The following SOX6 variants were observed in gnomAD, a reference collection of about 807,000 sequenced individuals.
SOX6 encodes SRY-box transcription factor 6.
Under a neutral mutation model 97.8 loss-of-function variants are expected in SOX6, and 11 were observed. The ratio of observed to expected loss-of-function variants is 0.11; its 90% CI spans 0.07 to 0.19. SOX6 has a LOEUF of 0.19. SOX6 is among the 10% of genes least tolerant of loss of function. SOX6 has a pLI of 1.00. For missense variants in SOX6, 810 were observed against 1,039.5 expected (o/e 0.78, Z 3.04); for synonymous variants, 360 against 371.4 (o/e 0.97, Z 0.35).
intron 12 of SOX6, among the ~76,000 whole-genome samples, chr11:16,018,902 A>G (rs552807788): frequency 6.6e-6 from 1 of 152,276 alleles, no homozygotes; most frequent in African/African-American, 2.4e-5. Context: ...CAGCAGGAAG[A>G]CATTCCATAT....
rs1364679249 is a variant in SOX6 at position 16,605,084 on chromosome 11, G to A, written n.609+6997C>T. Among the ~76,000 whole-genome samples, 3 of 151,990 alleles carry A rather than the reference G, an allele frequency of 2.0e-5. No homozygotes were observed. Among genetic ancestry groups the A allele is most frequent in the Non-Finnish European group, 4.4e-5 (3 of 67,956 alleles). On this transcript the variant is annotated intron_variant and non_coding_transcript_variant, in intron 4 of 5. Transcript: ENST00000524520. The surrounding 1 kb of genome is among the most constrained non-coding windows in gnomAD (Gnocchi z 5.3). ...CTCCCGCGGGAGCGGCCGGGCTCGG[G>A]CTGGGTCCCGGGGCGGGTGGCAGCA... is the stretch of plus-strand genomic sequence containing the variant.
At chr11:16,061,724 C>CAGAA (rs1847961473) in intron 9 of SOX6, among the ~76,000 whole-genome samples, 1 of 151,742 alleles carries the variant, frequency 6.6e-6, no homozygotes, top group Non-Finnish European at 1.5e-5. Context: ...GAATAGAGAA[C>CAGAA]TCAGAAATAA....
chr11:16,216,524 C>T (rs1196853669), intron 4 of SOX6, among the ~76,000 whole-genome samples: 1 of 151,854 alleles, frequency 6.6e-6, no homozygotes, highest in African/African-American at 2.4e-5. Context: ...TTTTTGTGGT[C>T]CTACTTCCAG....
intron 6 of SOX6, among the ~76,000 whole-genome samples, chr11:16,144,167 C>T (rs111934696): frequency 2.0e-5 from 3 of 152,188 alleles, no homozygotes; most frequent in Admixed American, 2.0e-4. Context: ...GACCACAGTG[C>T]AATCAAACTA....
intron 13 of SOX6, among the ~76,000 whole-genome samples, chr11:16,012,465 A>C (rs1359718883): frequency 1.3e-5 from 2 of 151,940 alleles, no homozygotes; most frequent in African/African-American, 4.8e-5. Context: ...CAAGCTTCTA[A>C]AGGGAGGTTT....
chr11:16,630,274 T>A (rs1848687178), intron 3 of SOX6, among the ~76,000 whole-genome samples: 1 of 152,166 alleles, frequency 6.6e-6, no homozygotes, highest in South Asian at 2.1e-4. Context: ...TCCCAGAGAT[T>A]TTGGTATGTT....
At chr11:16,389,650 T>C (rs1474922882) in intron 1 of SOX6, among the ~76,000 whole-genome samples, 5 of 152,156 alleles carry the variant, frequency 3.3e-5, no homozygotes, top group South Asian at 2.1e-4. Flanking sequence ...GATTCATTTA[T>C]AGTATTCTAA....
At position 16,006,374 on chromosome 11, in the gene SOX6, T is replaced by C. The variant is rs147424309; in HGVS notation, c.1732+8568A>G. Among the ~76,000 whole-genome samples, 267 of 152,214 alleles carry C rather than the reference T, an allele frequency of 1.8e-3. 1 individual carries two copies. Among genetic ancestry groups the C allele is most frequent in the African/African-American group, 5.3e-3 (222 of 41,562 alleles). On this transcript the variant is annotated intron_variant, in intron 13 of 15. Coordinates refer to ENST00000683767, the MANE Select transcript of SOX6 (RefSeq NM_001367873.1). ...GCGTGGTAATCAAGGCACTCCTTAA[T>C]ATGGCACCCATCTATTTCTGTAGCA...
intron 4 of SOX6, among the ~76,000 whole-genome samples, chr11:16,585,660 C>A (rs546421107): frequency 6.9e-5 from 10 of 144,584 alleles, no homozygotes; most frequent in South Asian, 2.2e-4. Flanking sequence ...AAAGACTCAA[C>A]GGAGAATTTT....
chr11:16,473,528 A>C (rs1398875139), intron 1 of SOX6, among the ~76,000 whole-genome samples: 2 of 148,072 alleles, frequency 1.4e-5, no homozygotes, highest in Non-Finnish European at 3.0e-5. Flanking sequence ...TGAAGGTTGG[A>C]GTGGCTGTGG....
intron 3 of SOX6, among the ~76,000 whole-genome samples, chr11:16,626,892 G>A (rs141021900): frequency 6.6e-6 from 1 of 152,280 alleles, no homozygotes; most frequent in African/African-American, 2.4e-5. Flanking sequence ...ACTGCGTGAT[G>A]CTGAGGTTTG....
At chr11:16,394,052 T>C (rs1858270064) in intron 1 of SOX6, among the ~76,000 whole-genome samples, 1 of 151,994 alleles carries the variant, frequency 6.6e-6, no homozygotes, top group African/African-American at 2.4e-5. Context: ...AAGATAATAA[T>C]AGCTCTACTT....
At chr11:16,706,485 T>A (rs1221914761) in intron 3 of SOX6, among the ~76,000 whole-genome samples, 679 of 6,252 alleles carry the variant, frequency 0.11, 142 homozygotes, top group Middle Eastern at 0.23. Flanking sequence ...TATATATATA[T>A]ATATATATAT....
chr11:16,549,431 T>C (rs954500005), intron 4 of SOX6, among the ~76,000 whole-genome samples: 4 of 152,088 alleles, frequency 2.6e-5, no homozygotes, highest in Non-Finnish European at 4.4e-5. Context: ...GGCCTCCCAA[T>C]ATAACTAAAA....
chr11:16,315,991 C>T (rs1171250746), intron 3 of SOX6: 4 of 152,250 alleles, frequency 2.6e-5, no homozygotes, highest in Admixed American at 2.6e-4. Flanking sequence ...GGACTACCAA[C>T]TCTTGAATGC....
At chr11:16,025,977 G>A (rs938779315) in intron 12 of SOX6, among the ~76,000 whole-genome samples, 1 of 152,112 alleles carries the variant, frequency 6.6e-6, no homozygotes, top group Non-Finnish European at 1.5e-5. Flanking sequence ...TGACCAAGGA[G>A]GTGTGGACAC....
intron 7 of SOX6, among the ~76,000 whole-genome samples, chr11:16,105,920 C>T (rs955131432): frequency 6.6e-6 from 1 of 151,824 alleles, no homozygotes; most frequent in Non-Finnish European, 1.5e-5. Flanking sequence ...ACGAACAACC[C>T]AAAAGAAAAT....
At chr11:16,441,058 A>T (rs190280775) in intron 1 of SOX6, among the ~76,000 whole-genome samples, 16 of 152,102 alleles carry the variant, frequency 1.1e-4, no homozygotes, top group Admixed American at 1.0e-3. Flanking sequence ...AACAGAAGAG[A>T]TTCTACAGCC....
intron 9 of SOX6, among the ~76,000 whole-genome samples, chr11:16,057,991 TTCAGTCTTTTCGA>T (rs1394794329): frequency 1.3e-5 from 2 of 152,122 alleles, no homozygotes; most frequent in Non-Finnish European, 2.9e-5. Flanking sequence ...ACATTCATTG[TTCAGTCTTTTCGA>T]TCCAAACTCA....
Sources: gnomAD v4.1 joint callset for allele counts (sites outside exome capture counted in the v4.1 genomes callset) on GRCh38, gnomAD v4.1.1 for gene constraint, Gnocchi (gnomAD v3.1) non-coding constraint, MANE v1.5 for transcripts, NCBI Gene and HGNC (gene_info 2026-07-23, HGNC 2026-07-21) for gene names.